The following TANC2 variants were observed in gnomAD, a reference collection of about 807,000 sequenced individuals.
TANC2 encodes the protein tetratricopeptide repeat, ankyrin repeat and coiled-coil containing 2.
TANC2 carries 26 observed loss-of-function variants against 210.5 expected under a neutral mutation model. The observed-to-expected ratio is 0.12, with a 90% CI of 0.09 to 0.17. The LOEUF is 0.17. Among genes scored for constraint, TANC2 ranks in the 10% least tolerant of loss-of-function variants. TANC2 has a pLI of 1.00. For synonymous variants in TANC2, 931 were observed against 967.1 expected, an observed-to-expected ratio of 0.96 and a Z score of 0.69; for missense variants, 2,129 against 2,608.9, an observed-to-expected ratio of 0.82 and a Z score of 4.01.
intron 8 of TANC2, among the ~76,000 whole-genome samples, chr17:63,255,440 T>C (rs1325169211): frequency 6.6e-6 from 1 of 152,160 alleles, no homozygotes; most frequent in Non-Finnish European, 1.5e-5. Flanking sequence ...GGTGATGCCA[T>C]TGGATCCTGG....
In TANC2 at chr17:63,379,756, A is replaced by G. The variant is rs1461430188; in HGVS notation, c.2621A>G (p.Gln874Arg). Residue 874 changes from glutamine (Q) to arginine (R), a missense_variant, in exon 15 of 28, where the codon CAA (glutamine) becomes CGA (arginine). Coordinates refer to ENST00000689528, the Ensembl canonical transcript of TANC2. ...TTACTTGCCTTCTGGTTTTCCCGCC[A>G]AGAGGGAAAACTAAACCGACAGCAG... The G allele has an allele frequency of 2.5e-6, 4 of 1,613,114 alleles. No homozygotes were observed. The highest frequency in any genetic ancestry group is 3.3e-5 in the Admixed American group (2 of 59,990).
intron 7 of TANC2, among the ~76,000 whole-genome samples, chr17:63,214,952 A>G (rs2041984777): frequency 6.6e-6 from 1 of 152,032 alleles, no homozygotes. Flanking sequence ...GTCAGTTGTA[A>G]CCTCCCAAAA....
intron 9 of TANC2, among the ~76,000 whole-genome samples, chr17:63,295,954 G>T (rs1030187153): frequency 7.2e-5 from 11 of 152,090 alleles, no homozygotes; most frequent in African/African-American, 2.7e-4. Flanking sequence ...CCAAGTCATG[G>T]AGCCAGCTGA....
At chr17:63,323,157 G>A (rs1415460593) in intron 11 of TANC2, among the ~76,000 whole-genome samples, 1 of 152,136 alleles carries the variant, frequency 6.6e-6, no homozygotes, top group Non-Finnish European at 1.5e-5. Context: ...CTTTTAAATA[G>A]GATTTTCAAA....
intron 3 of TANC2, 150 bp downstream of exon 3, chr17:63,074,164 C>T: frequency 3.9e-6 from 2 of 518,090 alleles, no homozygotes; most frequent in South Asian, 3.6e-5. Context: ...ATGTAAAAAT[C>T]TATATATTAT....
intron 4 of TANC2, among the ~76,000 whole-genome samples, chr17:63,118,776 A>AT (rs1162117818): frequency 0.22 from 27,102 of 125,684 alleles, 3,471 homozygotes; most frequent in Middle Eastern, 0.26. Context: ...TATCCAACTA[A>AT]TTTTTTTTTT....
intron 1 of TANC2, among the ~76,000 whole-genome samples, chr17:62,993,551 A>AT (rs1197120106): frequency 6.6e-6 from 1 of 152,162 alleles, no homozygotes; most frequent in Non-Finnish European, 1.5e-5. Flanking sequence ...GTTAATAACA[A>AT]TTTTTTATTC....
At chr17:63,060,944 G>A (rs2035975280) in intron 2 of TANC2, among the ~76,000 whole-genome samples, 1 of 152,140 alleles carries the variant, frequency 6.6e-6, no homozygotes, top group African/African-American at 2.4e-5. Flanking sequence ...GGTTTGATGT[G>A]TGCCTACAGT....
At chr17:63,147,396 G>C (rs977290112) in intron 4 of TANC2, among the ~76,000 whole-genome samples, 1 of 152,048 alleles carries the variant, frequency 6.6e-6, no homozygotes, top group Non-Finnish European at 1.5e-5. Context: ...TACCACACAT[G>C]TTGATACTCT....
exon 28 of TANC2, chr17:63,426,058 GCCT>G (rs1237728237): frequency 2.6e-5 from 4 of 152,276 alleles, no homozygotes; most frequent in South Asian, 4.1e-4. Context: ...CCTGTGCCCA[GCCT>G]CCTCTTGATG....
intron 7 of TANC2, among the ~76,000 whole-genome samples, chr17:63,233,680 G>A (rs945083582): frequency 9.9e-5 from 15 of 152,268 alleles, no homozygotes; most frequent in East Asian, 7.7e-4. Context: ...TGGCCCCTCC[G>A]GCCTGTTGTT....
chr17:63,395,844 G>A (rs1027886300), exon 18 of TANC2: 1 of 1,612,456 alleles, frequency 6.2e-7, no homozygotes. Context: ...ACTGGACGAT[G>A]GCCGGCCAGC....
intron 9 of TANC2, among the ~76,000 whole-genome samples, chr17:63,275,804 C>T (rs1295373894): frequency 6.6e-6 from 1 of 152,130 alleles, no homozygotes; most frequent in African/African-American, 2.4e-5. Flanking sequence ...TCACCCCCAA[C>T]CAGCTCTTCT....
chr17:62,994,009 T>C (rs1294527586), intron 1 of TANC2, among the ~76,000 whole-genome samples: 1 of 152,186 alleles, frequency 6.6e-6, no homozygotes, highest in Non-Finnish European at 1.5e-5. Flanking sequence ...CTCTAATAGT[T>C]TTTTGGTGTA....
intron 12 of TANC2, among the ~76,000 whole-genome samples, chr17:63,349,657 G>A (rs2046533611): frequency 6.6e-6 from 1 of 152,174 alleles, no homozygotes. Context: ...ACCAGTACAG[G>A]GATAGATAGC....
At chr17:63,387,006 G>T (rs2047803759) in intron 15 of TANC2, among the ~76,000 whole-genome samples, 1 of 151,658 alleles carries the variant, frequency 6.6e-6, no homozygotes, top group Non-Finnish European at 1.5e-5. Context: ...GCATGCACCA[G>T]CATGCCTGGC....
exon 9 of TANC2, chr17:63,267,801 A>C (rs776342589): frequency 6.2e-7 from 1 of 1,613,198 alleles, no homozygotes; most frequent in South Asian, 1.1e-5. Flanking sequence ...GCAGAGACAT[A>C]CACCTTTGAG....
At chr17:62,990,520 G>A (rs1308761009) in intron 1 of TANC2, among the ~76,000 whole-genome samples, 1 of 151,992 alleles carries the variant, frequency 6.6e-6, no homozygotes, top group Non-Finnish European at 1.5e-5. Flanking sequence ...CCTAGCTCGA[G>A]TGATCTTCCC....
chr17:63,419,857 A>G, intron 27 of TANC2, 142 bp from the exon 28 acceptor site: 2 of 969,802 alleles, frequency 2.1e-6, no homozygotes, highest in Non-Finnish European at 3.0e-6. Context: ...TTCCTTCCCT[A>G]TAAATCCAAC....
Sources: gnomAD v4.1 joint callset for allele counts (sites outside exome capture counted in the v4.1 genomes callset) on GRCh38, gnomAD v4.1.1 for gene constraint, MANE v1.5 for transcripts, NCBI Gene and HGNC (gene_info 2026-07-23, HGNC 2026-07-21) for gene names.